Variants in PTPRF observed in about 807,000 individuals in gnomAD.
PTPRF encodes the protein receptor-type tyrosine-protein phosphatase F.
In PTPRF, 59 loss-of-function variants were observed where a neutral mutation model predicts 201.8. The observed-to-expected ratio is 0.29, with a 90% CI of 0.24 to 0.36. The LOEUF (loss-of-function observed/expected upper bound fraction) is 0.36. PTPRF is among the 10% of genes least tolerant of loss of function. The pLI, the probability that PTPRF is intolerant of heterozygous loss-of-function variation, is 1.00. For missense variants in PTPRF, 2,132 were observed against 2,690.5 expected (o/e 0.79, Z 4.59); for synonymous variants, 1,088 against 1,089.7 (o/e 1.00, Z 0.03).
rs1407565264 is a variant in PTPRF, at chr1:43,605,184, C to T, written c.3136-6C>T. 22 of 1,592,680 alleles carry T rather than the reference C, an allele frequency of 1.4e-5. No individual in the cohort carries two copies. Among genetic ancestry groups the T allele is most frequent in the Non-Finnish European group, 1.8e-5 (21 of 1,164,478 alleles). On this transcript the variant is annotated splice_polypyrimidine_tract_variant and splice_region_variant and intron_variant, in intron 17 of 33. Coordinates refer to ENST00000359947, the MANE Select transcript of PTPRF (RefSeq NM_002840.5). ...AGGCATTGATTGCCCCTCCCGTCCC[C>T]CACAGATTCTGTACAATGGGCAGAG...
In PTPRF at chr1:43,591,857, C is replaced by A; in HGVS notation, c.1577C>A (p.Thr526Asn). Residue 526 changes from threonine (T) to asparagine (N), a missense_variant, in exon 10 of 34, where the codon ACC (threonine) becomes AAC (asparagine). Transcript: ENST00000359947. ...TTCCAGGCCGAGGTGGAGTCGGACA[C>A]CAGGATCCAGCTCTCGTGGCTGCTG... ...ADFQAEVESDTRIQLSWLLPP... is the reference protein window; with the variant it reads ...ADFQAEVESDNRIQLSWLLPP... 1 of 1,613,488 alleles carries A rather than the reference C, an allele frequency of 6.2e-7. No individual in the cohort carries two copies. Among genetic ancestry groups the A allele is most frequent in the Non-Finnish European group, 8.5e-7 (1 of 1,180,010 alleles).
chr1:43,590,350 A>C (rs2154009845), intron 8 of PTPRF, among the ~76,000 whole-genome samples: 1 of 152,332 alleles, frequency 6.6e-6, no homozygotes, highest in South Asian at 2.1e-4. Flanking sequence ...TGTAAACTCC[A>C]TGAGAGCAGG....
intron 5 of PTPRF, among the ~76,000 whole-genome samples, chr1:43,562,403 T>C (rs1052927535): frequency 6.6e-6 from 1 of 151,880 alleles, no homozygotes; most frequent in African/African-American, 2.4e-5. Context: ...CCACCGCGCC[T>C]GGCCCTGAGA....
intron 23 of PTPRF, 68 bp from the exon 24 acceptor site, chr1:43,617,377 C>A: frequency 1.3e-6 from 2 of 1,597,676 alleles, no homozygotes; most frequent in East Asian, 4.5e-5. Flanking sequence ...AAGGCTGGGT[C>A]CCCTGCAGGA....
In PTPRF at chr1:43,588,637, G is replaced by T; in HGVS notation, c.680-94G>T. ...TGTCTCTGAGCATGGGTTTGGCTCT[G>T]ACCAGAGGGGCTTCCTGAATGAGGG... On this transcript the variant is annotated intron_variant, in intron 7 of 33. Coordinates refer to ENST00000359947, the MANE Select transcript of PTPRF (RefSeq NM_002840.5). The surrounding 1 kb of genome is among the most constrained non-coding windows in gnomAD (Gnocchi z 5.3). 2 of 1,519,990 alleles carry T rather than the reference G, an allele frequency of 1.3e-6. No homozygotes were observed. Among genetic ancestry groups the T allele is most frequent in the South Asian group, 2.5e-5 (2 of 79,510 alleles). 94.2% of individuals were successfully genotyped at this position (1,519,990 alleles called of 1,614,324 possible).
intron 5 of PTPRF, among the ~76,000 whole-genome samples, chr1:43,568,533 G>A (rs1164372911): frequency 2.0e-5 from 3 of 152,180 alleles, no homozygotes; most frequent in Non-Finnish European, 4.4e-5. Flanking sequence ...TTACCATCAA[G>A]GTGGGCACTT....
intron 7 of PTPRF, among the ~76,000 whole-genome samples, chr1:43,581,125 C>T (rs1054197869): frequency 6.6e-6 from 1 of 152,222 alleles, no homozygotes; most frequent in Admixed American, 6.5e-5. Flanking sequence ...ATGTGCAGCC[C>T]CTTGGAGCAT....
chr1:43,618,947 A>G (rs979100731), intron 26 of PTPRF, 101 bp from the exon 27 acceptor site: 4 of 1,500,340 alleles, frequency 2.7e-6, no homozygotes, highest in South Asian at 1.2e-5. Flanking sequence ...TCTGAGTCCC[A>G]TGGGGAAGTG....
chr1:43,561,966 T>C (rs1645836442), intron 5 of PTPRF, among the ~76,000 whole-genome samples: 1 of 152,194 alleles, frequency 6.6e-6, no homozygotes. Flanking sequence ...ACGTGTTCCC[T>C]AGCCTCATGA....
intron 12 of PTPRF, 136 bp downstream of exon 12, chr1:43,598,189 G>GACATCCCCCCACTTTA: frequency 2.1e-6 from 2 of 941,046 alleles, no homozygotes; most frequent in Non-Finnish European, 3.0e-6. Context: ...GGCCTAAAGT[G>GACATCCCCCCACTTTA]GGGGGATGTC....
In PTPRF at chr1:43,558,654, C is replaced by CCGCACT. The variant is rs1442595198; in HGVS notation, c.379+4715_379+4720dup. Among the ~76,000 whole-genome samples, 7 of 152,330 alleles carry CCGCACT rather than the reference C, an allele frequency of 4.6e-5. No individual in the cohort carries two copies. In the East Asian group the frequency reaches 1.4e-3, roughly 29 times the overall value. ...AATGGCAGGAAAAGCTCTTCTCGCT[C>CCGCACT]CGCACTCTTGAGGCGGCGGCTGAAT... is the stretch of plus-strand genomic sequence containing the variant. On this transcript the variant is annotated intron_variant, in intron 5 of 33. Coordinates refer to ENST00000359947, the MANE Select transcript of PTPRF (RefSeq NM_002840.5).
chr1:43,586,261 G>C (rs1649117090), intron 7 of PTPRF, among the ~76,000 whole-genome samples: 1 of 152,200 alleles, frequency 6.6e-6, no homozygotes, highest in Non-Finnish European at 1.5e-5. Flanking sequence ...GAGAGATTTA[G>C]TTCATTAAGG....
At chr1:43,575,615 T>G (rs570331103) in intron 6 of PTPRF, among the ~76,000 whole-genome samples, 1 of 151,236 alleles carries the variant, frequency 6.6e-6, no homozygotes, top group African/African-American at 2.4e-5. Context: ...GCCAGTGGGG[T>G]CTGCAGGAGT....
At chr1:43,550,322 T>C (rs868724404) in intron 3 of PTPRF, among the ~76,000 whole-genome samples, 71 of 152,214 alleles carry the variant, frequency 4.7e-4, no homozygotes, top group African/African-American at 1.6e-3. Context: ...CGGCGTCTCC[T>C]CTCCGCTTCT....
Position 43,538,258 on chromosome 1 carries a change from G to A in PTPRF, c.-65G>A, listed in dbSNP as rs1243340726. On this transcript the variant is annotated 5_prime_UTR_variant, in exon 2 of 34. Transcript: ENST00000359947. ...CTGAGTATCCAGCAAGAGTGACCGGGGTGAAGAAGCAAAGACTCGGTGAGT... is the reference window on the plus strand; with the variant it reads ...CTGAGTATCCAGCAAGAGTGACCGGAGTGAAGAAGCAAAGACTCGGTGAGT... The A allele has an allele frequency of 2.5e-6, 1 of 398,724 alleles. No homozygotes were observed. Among genetic ancestry groups the A allele is most frequent in the Non-Finnish European group, 4.4e-6 (1 of 226,148 alleles). The allele number at this position is 398,724 out of a possible 1,614,324, so 24.7% of individuals were successfully genotyped here. A position where few individuals can be genotyped will look rare whatever the true frequency, so the allele number is the denominator to read the frequency against.
intron 20 of PTPRF, among the ~76,000 whole-genome samples, 162 bp from the exon 21 acceptor site, chr1:43,606,652 A>G (rs1406287828): frequency 2.0e-5 from 3 of 152,106 alleles, no homozygotes; most frequent in Admixed American, 1.3e-4. Flanking sequence ...GCCAGACCTA[A>G]TGTGGCTCCA....
intron 6 of PTPRF, among the ~76,000 whole-genome samples, chr1:43,573,069 C>T (rs1027124724): frequency 5.3e-5 from 8 of 152,136 alleles, no homozygotes; most frequent in Admixed American, 2.0e-4. Context: ...AGGTAGCTGA[C>T]GGCATGCGCT....
At position 43,621,208 on chromosome 1, in the gene PTPRF, G is replaced by C. The variant is rs1446869120; in HGVS notation, c.5631G>C (p.Gln1877His). Residue 1877 changes from glutamine (Q) to histidine (H), a missense_variant, in exon 33 of 34, where the codon CAG (glutamine) becomes CAC (histidine). Around this residue, in one of 6 missense-constraint regions of PTPRF, gnomAD observed 519 missense variants for 659.5 expected, o/e 0.79. Transcript: ENST00000359947. ...AGACCGTGAAGACCCTGCGTACACA[G>C]CGTCCTGCCATGGTGCAGACAGAGG... ...MFQTVKTLRTQRPAMVQTEDQ... is the reference protein window; with the variant it reads ...MFQTVKTLRTHRPAMVQTEDQ... 1 of 1,614,158 alleles carries C rather than the reference G, an allele frequency of 6.2e-7. No homozygotes were observed. Among genetic ancestry groups the C allele is most frequent in the African/African-American group, 1.3e-5 (1 of 75,074 alleles).
At position 43,538,391 on chromosome 1, in the gene PTPRF, G is replaced by A. The variant is rs1017156517; in HGVS notation, c.-46+114G>A. 1.5e-5 allele frequency: 6 copies of A among 397,032 alleles called. No homozygotes were observed. The Admixed American group carries it at 2.6e-4, about 18-fold the overall frequency. 24.6% of individuals were successfully genotyped at this position (397,032 alleles called of 1,614,324 possible). A position where few individuals can be genotyped will look rare whatever the true frequency, so the allele number is the denominator to read the frequency against. On this transcript the variant is annotated intron_variant, in intron 2 of 33. Coordinates refer to ENST00000359947, the MANE Select transcript of PTPRF (RefSeq NM_002840.5). The stretch of plus-strand genomic sequence containing the variant: ...GTGGAGAGCTATAGAGGGGGTGTCA[G>A]CAGGGGGCATGACATGATCCAGTGT...
Sources: allele counts gnomAD v4.1 joint callset (sites outside exome capture counted in the v4.1 genomes callset), GRCh38; gene constraint gnomAD v4.1.1; regional missense constraint gnomAD v4.1.1; non-coding constraint Gnocchi (gnomAD v3.1); transcripts MANE v1.5; gene names NCBI Gene and HGNC (gene_info 2026-07-23, HGNC 2026-07-21).